HNRNPC: variants seen among roughly 807,000 people sequenced by gnomAD.
The protein encoded by HNRNPC is heterogeneous nuclear ribonucleoproteins C1/C2.
A neutral mutation model predicts 33.2 loss-of-function variants in HNRNPC; 3 were observed. That is an observed-to-expected ratio of 0.09 (90% CI 0.04 to 0.23). The LOEUF (loss-of-function observed/expected upper bound fraction) is 0.23, where lower values mean the gene tolerates loss of function less well. HNRNPC is among the 10% of genes least tolerant of loss of function. HNRNPC has a pLI of 1.00. For missense variants in HNRNPC, 143 were observed against 366.7 expected, an observed-to-expected ratio of 0.39 and a Z score of 4.98; for synonymous variants, 121 against 126.7, an observed-to-expected ratio of 0.96 and a Z score of 0.30.
chr14:21,250,410 A>G (rs746465498), intron 2 of HNRNPC, among the ~76,000 whole-genome samples: 3 of 152,184 alleles, frequency 2.0e-5, no homozygotes, highest in Non-Finnish European at 4.4e-5. Context: ...ATGTTTACAT[A>G]TTTTCCTTAA....
intron 1 of HNRNPC, chr14:21,268,612 T>C (rs199572487): frequency 1.3e-5 from 2 of 152,008 alleles, no homozygotes; most frequent in African/African-American, 4.8e-5. Context: ...AGAAAGAGAG[T>C]TAATACCTAC....
intron 2 of HNRNPC, among the ~76,000 whole-genome samples, chr14:21,244,259 A>G (rs778342265): frequency 1.3e-5 from 2 of 152,220 alleles, no homozygotes; most frequent in African/African-American, 4.8e-5. Flanking sequence ...TCCACGTTCC[A>G]AAAGTGCAGG....
chr14:21,229,618 G>A (rs1218659433), intron 5 of HNRNPC, among the ~76,000 whole-genome samples: 1 of 152,052 alleles, frequency 6.6e-6, no homozygotes, highest in Non-Finnish European at 1.5e-5. Flanking sequence ...TATACTTTAT[G>A]GTATTTAACG....
chr14:21,220,238 G>GTTT lies in HNRNPC; in HGVS notation c.366-7124_366-7122dup, dbSNP rs72295427. ...TTTTCTCTGAGGCCATCTATTTCTG[G>GTTT]TTTTTTTTTTTTTTTGGAGACAGAG... On this transcript the variant is annotated intron_variant, in intron 5 of 8. Coordinates refer to ENST00000553300, the MANE Select transcript of HNRNPC (RefSeq NM_004500.4). Among the ~76,000 whole-genome samples the GTTT allele has an allele frequency of 5.7e-3, 801 of 139,796 alleles. 11 individuals carry two copies. Among genetic ancestry groups the GTTT allele is most frequent in the Non-Finnish European group, 9.2e-3 (597 of 64,648 alleles). 91.7% of individuals were successfully genotyped at this position (139,796 alleles called of 152,430 possible). A position where few individuals can be genotyped will look rare whatever the true frequency, so the allele number is the denominator to read the frequency against.
chr14:21,224,478 T>C (rs1009673133), intron 5 of HNRNPC, among the ~76,000 whole-genome samples: 1 of 152,158 alleles, frequency 6.6e-6, no homozygotes, highest in African/African-American at 2.4e-5. Context: ...ATCTATCATC[T>C]AGTCACGAAG....
chr14:21,239,198 G>GT (rs1895066234), intron 2 of HNRNPC, among the ~76,000 whole-genome samples: 1 of 152,200 alleles, frequency 6.6e-6, no homozygotes, highest in Non-Finnish European at 1.5e-5. Flanking sequence ...TACTTCAAAA[G>GT]TGAAGCAGTA....
intron 2 of HNRNPC, among the ~76,000 whole-genome samples, chr14:21,241,132 C>A (rs1426670398): frequency 6.6e-6 from 1 of 151,710 alleles, no homozygotes; most frequent in African/African-American, 2.4e-5. Flanking sequence ...TGGTGGCAGG[C>A]GTCTGTAATC....
chr14:21,256,372 C>G (rs956812652), intron 2 of HNRNPC, among the ~76,000 whole-genome samples: 1 of 151,938 alleles, frequency 6.6e-6, no homozygotes, highest in Non-Finnish European at 1.5e-5. Context: ...CTGCTTGAAC[C>G]CGGGAGGCAG....
At chr14:21,232,422 G>C (rs1334697684) in intron 3 of HNRNPC, among the ~76,000 whole-genome samples, 1 of 152,070 alleles carries the variant, frequency 6.6e-6, no homozygotes, top group East Asian at 1.9e-4. Flanking sequence ...CCATTGCCCA[G>C]GCTGGAGTGC....
At chr14:21,261,065 G>T (rs927081567) in intron 2 of HNRNPC, among the ~76,000 whole-genome samples, 2 of 151,916 alleles carry the variant, frequency 1.3e-5, no homozygotes, top group African/African-American at 4.8e-5. Context: ...CTGGGCCAAG[G>T]GACCCTCCTG....
chr14:21,229,085 TAAAAAAA>T (rs56112804), intron 5 of HNRNPC, among the ~76,000 whole-genome samples: 95 of 107,868 alleles, frequency 8.8e-4, no homozygotes, highest in Non-Finnish European at 1.5e-3. Context: ...ATTCCGTATT[TAAAAAAA>T]AAAAAAAAAA....
intron 2 of HNRNPC, among the ~76,000 whole-genome samples, chr14:21,243,414 T>A (rs1895594698): frequency 6.6e-6 from 1 of 152,162 alleles, no homozygotes; most frequent in Non-Finnish European, 1.5e-5. Flanking sequence ...TACACAGGAA[T>A]GGTTTATTCT....
At chr14:21,249,275 G>T (rs1369267706) in intron 2 of HNRNPC, among the ~76,000 whole-genome samples, 2 of 151,986 alleles carry the variant, frequency 1.3e-5, no homozygotes, top group African/African-American at 4.8e-5. Flanking sequence ...GAACTAAACA[G>T]AATCAAGGAA....
At chr14:21,239,460 CAG>C (rs1895100152) in intron 2 of HNRNPC, among the ~76,000 whole-genome samples, 1 of 151,946 alleles carries the variant, frequency 6.6e-6, no homozygotes, top group African/African-American at 2.4e-5. Context: ...GTCTGGGTGA[CAG>C]AGTGAGATTC....
chr14:21,229,707 T>A (rs988706567), intron 5 of HNRNPC, among the ~76,000 whole-genome samples: 1 of 152,332 alleles, frequency 6.6e-6, no homozygotes, highest in African/African-American at 2.4e-5. Context: ...AATCAGTAAT[T>A]TTTATTCCAA....
At chr14:21,260,027 G>A (rs1343189629) in intron 2 of HNRNPC, among the ~76,000 whole-genome samples, 4 of 149,454 alleles carry the variant, frequency 2.7e-5, no homozygotes, top group Admixed American at 6.8e-5. Context: ...GTGAAACCCC[G>A]TCTCTACTAA....
intron 2 of HNRNPC, among the ~76,000 whole-genome samples, chr14:21,240,551 C>T (rs1231454254): frequency 6.6e-6 from 1 of 151,980 alleles, no homozygotes; most frequent in African/African-American, 2.4e-5. Context: ...GTTGTGAGAG[C>T]CCTGGAATTT....
intron 3 of HNRNPC, 188 bp from the exon 4 acceptor site, chr14:21,231,260 A>G: frequency 4.4e-6 from 3 of 682,908 alleles, no homozygotes. Context: ...CAGCCTCGAG[A>G]GTAACTGTCA....
At chr14:21,233,602 T>TTTC (rs552947780) in intron 3 of HNRNPC, among the ~76,000 whole-genome samples, 283 of 151,814 alleles carry the variant, frequency 1.9e-3, no homozygotes, top group Non-Finnish European at 2.8e-3. Flanking sequence ...ACGGATGGAG[T>TTTC]GAAATCCCAA....
Sources: allele counts gnomAD v4.1 joint callset (sites outside exome capture counted in the v4.1 genomes callset), GRCh38; gene constraint gnomAD v4.1.1; transcripts MANE v1.5; gene names NCBI Gene and HGNC (gene_info 2026-07-23, HGNC 2026-07-21).